The following SLC8A1 variants were observed in gnomAD, a reference collection of about 807,000 sequenced individuals.
The protein encoded by SLC8A1 is sodium/calcium exchanger 1.
Under a neutral mutation model 68.3 loss-of-function variants are expected in SLC8A1, and 18 were observed. The observed-to-expected ratio is 0.26, with a 90% CI of 0.18 to 0.39. The LOEUF (loss-of-function observed/expected upper bound fraction) is 0.39, where lower values mean the gene tolerates loss of function less well. SLC8A1 is among the 10% of genes least tolerant of loss of function. SLC8A1 has a pLI of 1.00. For missense variants in SLC8A1, 985 were observed against 1,156.7 expected (o/e 0.85, Z 2.15); for synonymous variants, 475 against 415.5 (o/e 1.14, Z -1.74).
chr2:40,191,987 T>C (rs2148653018), intron 2 of SLC8A1, among the ~76,000 whole-genome samples: 1 of 152,294 alleles, frequency 6.6e-6, no homozygotes, highest in Middle Eastern at 3.4e-3. Context: ...GCAATAGAGT[T>C]ACAGCTTTTA....
chr2:40,284,634 G>T, intron 2 of SLC8A1, among the ~76,000 whole-genome samples: 1 of 141,962 alleles, frequency 7.0e-6, no homozygotes, highest in African/African-American at 2.6e-5. Context: ...AAGCTTTTGG[G>T]GAAAAACATA....
chr2:40,444,156 A>G (rs1016727261), intron 1 of SLC8A1, among the ~76,000 whole-genome samples: 1 of 152,092 alleles, frequency 6.6e-6, no homozygotes, highest in African/African-American at 2.4e-5. Context: ...CAACATAGCA[A>G]GACCCCTGTC....
chr2:40,394,525 A>C (rs1686312061), intron 2 of SLC8A1, among the ~76,000 whole-genome samples: 2 of 152,006 alleles, frequency 1.3e-5, no homozygotes, highest in Admixed American at 6.6e-5. Flanking sequence ...ATTTGGTTTT[A>C]TCATCAAGTT....
chr2:40,498,555 C>G (rs993442197), intron 1 of SLC8A1, among the ~76,000 whole-genome samples: 1 of 152,006 alleles, frequency 6.6e-6, no homozygotes, highest in Admixed American at 6.6e-5. Flanking sequence ...GGATTTTTAA[C>G]ATAACTACAT....
intron 2 of SLC8A1, among the ~76,000 whole-genome samples, chr2:40,242,050 T>C (rs912898796): frequency 2.6e-5 from 4 of 152,120 alleles, no homozygotes; most frequent in African/African-American, 9.7e-5. Flanking sequence ...AAATAAATAT[T>C]GATGGGGCTA....
chr2:40,243,375 C>A (rs1040673895), intron 2 of SLC8A1, among the ~76,000 whole-genome samples: 2 of 152,044 alleles, frequency 1.3e-5, no homozygotes, highest in Non-Finnish European at 2.9e-5. Flanking sequence ...GTCCCACCTA[C>A]TTGAGAGCTG....
chr2:40,184,434 G>T (rs4624433), intron 2 of SLC8A1, among the ~76,000 whole-genome samples: 78,498 of 151,804 alleles, frequency 0.52, 21,447 homozygotes, highest in Non-Finnish European at 0.62. Context: ...ACTTAAAGTT[G>T]TTTTCCCCTC....
At position 40,288,834 on chromosome 2, in the gene SLC8A1, C is replaced by CATATATATATATATATATATATAT. The variant is rs145077257; in HGVS notation, c.1809-110980_1809-110979insATATATATATATATATATATATAT. On this transcript the variant is annotated intron_variant, in intron 2 of 7. Coordinates refer to ENST00000406785, the Ensembl canonical transcript of SLC8A1. ...TTCGAAAATGTCTCTACTAAGTAATCATATATATATATATATATGTATATA... is the reference window on the plus strand; with the variant it reads ...TTCGAAAATGTCTCTACTAAGTAATCATATATATATATATATATATATATATATATATATATATATATGTATATA... Among the ~76,000 whole-genome samples, 522 of 132,380 alleles carry CATATATATATATATATATATATAT rather than the reference C, an allele frequency of 3.9e-3. 13 individuals carry two copies. Among genetic ancestry groups the CATATATATATATATATATATATAT allele is most frequent in the African/African-American group, 0.017 (499 of 29,128 alleles). 86.8% of individuals were successfully genotyped at this position (132,380 alleles called of 152,430 possible).
chr2:40,452,960 C>A (rs562756149), upstream of SLC8A1, among the ~76,000 whole-genome samples: 1 of 152,226 alleles, frequency 6.6e-6, no homozygotes, highest in African/African-American at 2.4e-5. Flanking sequence ...ATCGACGAAC[C>A]ATTCTTTGCC....
intron 2 of SLC8A1, among the ~76,000 whole-genome samples, chr2:40,217,791 C>G (rs2057721310): frequency 6.6e-6 from 1 of 152,194 alleles, no homozygotes; most frequent in African/African-American, 2.4e-5. Flanking sequence ...ATGTTAATTT[C>G]AAGCAGTTAC....
intron 6 of SLC8A1, among the ~76,000 whole-genome samples, chr2:40,152,781 T>C (rs995014031): frequency 1.3e-5 from 2 of 151,836 alleles, no homozygotes; most frequent in South Asian, 2.1e-4. Flanking sequence ...GGTGGGACAC[T>C]CAGCAAGACC....
chr2:40,424,551 C>CT (rs1417669836), intron 2 of SLC8A1, among the ~76,000 whole-genome samples: 1 of 151,680 alleles, frequency 6.6e-6, no homozygotes, highest in East Asian at 1.9e-4. Flanking sequence ...GTTAAGATGT[C>CT]TTACACATAC....
chr2:40,235,637 G>A, intron 2 of SLC8A1, among the ~76,000 whole-genome samples: 1 of 151,876 alleles, frequency 6.6e-6, no homozygotes, highest in African/African-American at 2.4e-5. Flanking sequence ...CTTGCCTTCT[G>A]CTAGCTTTTG....
chr2:40,505,113 G>A (rs1214744063), intron 1 of SLC8A1, among the ~76,000 whole-genome samples: 1 of 151,846 alleles, frequency 6.6e-6, no homozygotes, highest in Non-Finnish European at 1.5e-5. Flanking sequence ...ACACAATGGT[G>A]TACTATTTAG....
chr2:40,423,606 T>A (rs988153791), intron 2 of SLC8A1, among the ~76,000 whole-genome samples: 2 of 152,040 alleles, frequency 1.3e-5, no homozygotes, highest in Non-Finnish European at 2.9e-5. Flanking sequence ...GGCTGAACTA[T>A]GAAATCTCAA....
chr2:40,112,266 A>G (rs1474373929), exon 8 of SLC8A1: 1 of 152,598 alleles, frequency 6.6e-6, no homozygotes, highest in African/African-American at 2.4e-5. Flanking sequence ...ATCAGAAACA[A>G]TTAGAAACTT....
chr2:40,119,446 T>G (rs985880322), intron 7 of SLC8A1, among the ~76,000 whole-genome samples: 3 of 152,198 alleles, frequency 2.0e-5, no homozygotes, highest in African/African-American at 7.2e-5. Context: ...CCAAATTACC[T>G]TTTATTGCCG....
chr2:40,140,411 T>A (rs1246248967), intron 6 of SLC8A1, among the ~76,000 whole-genome samples: 1 of 152,030 alleles, frequency 6.6e-6, no homozygotes, highest in Non-Finnish European at 1.5e-5. Flanking sequence ...CTCTCTGACC[T>A]CCCCCCAAAC....
At position 40,274,758 on chromosome 2, in the gene SLC8A1, AG is replaced by A. The variant is rs752494993; in HGVS notation, c.1809-96904del. Among the ~76,000 whole-genome samples, 55 of 152,236 alleles carry A rather than the reference AG, an allele frequency of 3.6e-4. 1 individual carries two copies. The highest frequency in any genetic ancestry group is 6.9e-4 in the Non-Finnish European group (47 of 68,044). On this transcript the variant is annotated intron_variant, in intron 2 of 7. Coordinates refer to ENST00000406785, the Ensembl canonical transcript of SLC8A1. ...GAAGTTATATATCTCCCCTAGAGAA[AG>A]AACAGTAAACATTTCTAAAATTTCC...
Sources: gnomAD v4.1 joint callset for allele counts (sites outside exome capture counted in the v4.1 genomes callset) on GRCh38, gnomAD v4.1.1 for gene constraint, MANE v1.5 for transcripts, NCBI Gene and HGNC (gene_info 2026-07-23, HGNC 2026-07-21) for gene names.